C17orf113: variants seen among roughly 807,000 people sequenced by gnomAD.
C17orf113 encodes chromosome 17 open reading frame 113.
A neutral mutation model predicts 11.6 loss-of-function variants in C17orf113; 5 were observed. That is an observed-to-expected ratio of 0.43 (90% CI 0.23 to 0.91). C17orf113 has a LOEUF of 0.91. C17orf113 is among the 40% of genes least tolerant of loss of function. The pLI is 0.26. For synonymous variants in C17orf113, 327 were observed against 390.6 expected, an observed-to-expected ratio of 0.84 and a Z score of 1.92; for missense variants, 714 against 841.3, an observed-to-expected ratio of 0.85 and a Z score of 1.87.
In C17orf113 at chr17:42,039,427, T is replaced by C; in HGVS notation, c.*278A>G. 5.9e-6 allele frequency: 2 copies of C among 339,570 alleles called. No homozygotes were observed. The allele number at this position is 339,570 out of a possible 1,614,324, so 21.0% of individuals were successfully genotyped here. On this transcript the variant is annotated 3_prime_UTR_variant, in exon 3 of 3. Coordinates refer to ENST00000587304, the MANE Select transcript of C17orf113 (RefSeq NM_001358661.2). ...TCCAGAAGGGAAAAGGGTGAGCTAC[T>C]CCTCATCTAACTGTGTAAAGGCCAG...
Position 42,040,996 on chromosome 17 carries a change from T to C in C17orf113, c.737A>G (p.Glu246Gly). 8.1e-7 allele frequency: 1 copy of C among 1,232,198 alleles called. No individual in the cohort carries two copies. The highest frequency in any genetic ancestry group is 1.0e-6 in the Non-Finnish European group (1 of 988,008). 76.3% of individuals were successfully genotyped at this position (1,232,198 alleles called of 1,614,324 possible). A position where few individuals can be genotyped will look rare whatever the true frequency, so the allele number is the denominator to read the frequency against. Residue 246 changes from glutamate (E) to glycine (G), a missense_variant, in exon 3 of 3, where the codon GAG becomes GGG. Glu to Gly is a moderately conservative substitution (Grantham distance 98). This residue lies in a region of C17orf113 where 516 missense variants were observed against 626.6 expected (regional missense o/e 0.82). Transcript: ENST00000587304. ...FLGSVELQEG[E>G]ATAGQLLDIL... ...GTCCAAGAGCTGGCCAGCAGTGGCC[T>C]CGCCCTCCTGTAGCTCCACACTGCC...
Position 42,040,179 on chromosome 17 carries a change from T to TGCGAAGGCGGCCACGGCGTCCA in C17orf113, c.1532_1553dup (p.Ala519GlyfsTer54). 1.6e-6 allele frequency: 2 copies of TGCGAAGGCGGCCACGGCGTCCA among 1,231,556 alleles called. No individual in the cohort carries two copies. Among genetic ancestry groups the TGCGAAGGCGGCCACGGCGTCCA allele is most frequent in the Non-Finnish European group, 2.0e-6 (2 of 987,814 alleles). 76.3% of individuals were successfully genotyped at this position (1,231,556 alleles called of 1,614,324 possible). ...GGTAGCGTCGGGGGTCGAAGATCGC[T>TGCGAAGGCGGCCACGGCGTCCA]GCGAAGGCGGCCACGGCGTCCAGCG... On this transcript the variant is annotated frameshift_variant, in exon 3 of 3. Coordinates refer to ENST00000587304, the MANE Select transcript of C17orf113 (RefSeq NM_001358661.2). LOFTEE classifies it low-confidence loss of function (END_TRUNC).
chr17:42,047,549 T>C (rs2053192103), intron 1 of C17orf113, among the ~76,000 whole-genome samples: 1 of 152,038 alleles, frequency 6.6e-6, no homozygotes, highest in Non-Finnish European at 1.5e-5. Flanking sequence ...AACCAGCACA[T>C]AGTAGGTGGG....
chr17:42,045,749 C>T (rs1283588143), intron 1 of C17orf113, among the ~76,000 whole-genome samples: 2 of 152,182 alleles, frequency 1.3e-5, no homozygotes, highest in African/African-American at 4.8e-5. Context: ...CCAGACTCAT[C>T]CCTCACCCAA....
chr17:42,044,728 A>G (rs1477770499), intron 1 of C17orf113, among the ~76,000 whole-genome samples: 4 of 152,064 alleles, frequency 2.6e-5, no homozygotes, highest in Admixed American at 6.6e-5. Context: ...GTGAACACAC[A>G]CTCACACTCA....
In C17orf113 at chr17:42,040,527, G is replaced by A. The variant is rs1258829169; in HGVS notation, c.1206C>T (p.His402=). 8.4e-5 allele frequency: 104 copies of A among 1,232,780 alleles called. No individual in the cohort carries two copies. Among genetic ancestry groups the A allele is most frequent in the Non-Finnish European group, 8.8e-5 (87 of 988,576 alleles). The allele number at this position is 1,232,780 out of a possible 1,614,324, so 76.4% of individuals were successfully genotyped here. The change falls in exon 3 of 3, where the codon CAC becomes CAT. Residue 402 remains histidine, a synonymous_variant. Coordinates refer to ENST00000587304, the MANE Select transcript of C17orf113 (RefSeq NM_001358661.2). ...LRQFTFVAFT[H]LLLDALPSVQ... is the part of the protein sequence containing the mutation. ...CAGAGGGCAGGGCATCCAGCAGCAG[G>A]TGGGTGAAGGCCACGAAGGTGAACT...
chr17:42,042,756 G>T, intron 2 of C17orf113, 78 bp downstream of exon 2: 1 of 1,086,768 alleles, frequency 9.2e-7, no homozygotes, highest in Non-Finnish European at 1.2e-6. Context: ...CAAGGAGCTG[G>T]CATGCTGGGG....
At chr17:42,042,235 A>G (rs2053040822) in intron 2 of C17orf113, among the ~76,000 whole-genome samples, 1 of 152,052 alleles carries the variant, frequency 6.6e-6, no homozygotes, top group Non-Finnish European at 1.5e-5. Flanking sequence ...AAAACAAAAA[A>G]CAGAGGCCAG....
chr17:42,039,250 C>CAAAAAAAGAA lies in C17orf113; in HGVS notation c.*445_*454dup, dbSNP rs1181151909. ...TGGGCGACAGAGCAAGACTCCATCT[C>CAAAAAAAGAA]AAAAAAAGAAAAAAAAAGAAAAGAA... On this transcript the variant is annotated 3_prime_UTR_variant, in exon 3 of 3. Coordinates refer to ENST00000587304, the MANE Select transcript of C17orf113 (RefSeq NM_001358661.2). 1 of 151,694 alleles carries CAAAAAAAGAA rather than the reference C, an allele frequency of 6.6e-6. No individual in the cohort carries two copies. Among genetic ancestry groups the CAAAAAAAGAA allele is most frequent in the African/African-American group, 2.5e-5 (1 of 40,780 alleles). 9.4% of individuals were successfully genotyped at this position (151,694 alleles called of 1,614,324 possible). A position where few individuals can be genotyped will look rare whatever the true frequency, so the allele number is the denominator to read the frequency against.
rs557602584 is a variant in C17orf113 at position 42,043,036 on chromosome 17, G to A, written c.341C>T (p.Thr114Ile). The change falls in exon 2 of 3, where the codon ACC (threonine) becomes ATC (isoleucine). Residue 114 changes from threonine to isoleucine, a missense_variant. This residue lies in a region of C17orf113 where 516 missense variants were observed against 626.6 expected (regional missense o/e 0.82). Transcript: ENST00000587304. ...GGGACPGLATTPASRGVKVEL... is the reference protein window; with the variant it reads ...GGGACPGLATIPASRGVKVEL... Reference sequence around the variant, plus strand: ...CACCTTGACGCCCCTGGAGGCAGGGGTCGTAGCCAGGCCTGGGCAGGCCCC... The same window carrying A: ...CACCTTGACGCCCCTGGAGGCAGGGATCGTAGCCAGGCCTGGGCAGGCCCC... 6.7e-5 allele frequency: 83 copies of A among 1,232,300 alleles called. No individual in the cohort carries two copies. In the East Asian group the frequency reaches 2.5e-3, roughly 37 times the overall value. The allele number at this position is 1,232,300 out of a possible 1,614,324, so 76.3% of individuals were successfully genotyped here.
rs376341389 is a variant in C17orf113, at chr17:42,041,324, G to T, written c.544-135C>A. On this transcript the variant is annotated intron_variant, in intron 2 of 2. Transcript: ENST00000587304. ...AGACTTAGGGACTAATCCTGGCTTTGCCACTTACTGGCTGTGCTACCTTCG... is the reference window on the plus strand; with the variant it reads ...AGACTTAGGGACTAATCCTGGCTTTTCCACTTACTGGCTGTGCTACCTTCG... The T allele has an allele frequency of 4.4e-5, 32 of 735,058 alleles. No homozygotes were observed. The East Asian group carries it at 5.8e-4, about 13-fold the overall frequency. The allele number at this position is 735,058 out of a possible 1,614,324, so 45.5% of individuals were successfully genotyped here.
Position 42,038,255 on chromosome 17 carries a change from T to C in C17orf113, c.*1450A>G, listed in dbSNP as rs1289158849. ...CATGATGTGCTGGGATTCCATTTTA[T>C]TGCAAATTAAACTCAAACCCAGGGG... On this transcript the variant is annotated 3_prime_UTR_variant, in exon 3 of 3. Transcript: ENST00000587304. 8 of 555,176 alleles carry C rather than the reference T, an allele frequency of 1.4e-5. No individual in the cohort carries two copies. Among genetic ancestry groups the C allele is most frequent in the Admixed American group, 1.1e-4 (3 of 27,320 alleles). The allele number at this position is 555,176 out of a possible 1,614,324, so 34.4% of individuals were successfully genotyped here.
In C17orf113 at chr17:42,038,719, G is replaced by A. The variant is rs2052926334; in HGVS notation, c.*986C>T. 6.6e-6 allele frequency: 1 copy of A among 152,216 alleles called. No homozygotes were observed. 9.4% of individuals were successfully genotyped at this position (152,216 alleles called of 1,614,324 possible). On this transcript the variant is annotated 3_prime_UTR_variant, in exon 3 of 3. Transcript: ENST00000587304. ...TGGTAACACTATGAAAGATAGCATA[G>A]ATTTATTTCACATTTGTAGGTTTTT...
chr17:42,048,484 A>G (rs926617338), intron 1 of C17orf113, among the ~76,000 whole-genome samples: 3 of 152,044 alleles, frequency 2.0e-5, no homozygotes. Flanking sequence ...TTGAGACTGC[A>G]GTGAACTGTG....
chr17:42,044,565 G>A (rs1306980491), intron 1 of C17orf113, among the ~76,000 whole-genome samples: 8 of 151,292 alleles, frequency 5.3e-5, no homozygotes, highest in African/African-American at 1.9e-4. Context: ...GCAGTGAGCC[G>A]AGATCACGCT....
chr17:42,042,890 G>T lies in C17orf113; in HGVS notation c.487C>A (p.Leu163Met). ...ELQRFNLCQA[L>M]LGTEHGDYYS... ...TAATCGCCATGCTCTGTGCCCAGCA[G>T]TGCCTGGCACAGGTTGAACCTCTGC... The change falls in exon 2 of 3, where the codon CTG (leucine) becomes ATG (methionine). Residue 163 changes from leucine to methionine, a missense_variant. Leu to Met is a conservative substitution (Grantham distance 15, BLOSUM62 2). Coordinates refer to ENST00000587304, the MANE Select transcript of C17orf113 (RefSeq NM_001358661.2). The T allele has an allele frequency of 8.1e-7, 1 of 1,232,376 alleles. No homozygotes were observed. The highest frequency in any genetic ancestry group is 1.0e-6 in the Non-Finnish European group (1 of 988,140). The allele number at this position is 1,232,376 out of a possible 1,614,324, so 76.3% of individuals were successfully genotyped here. A position where few individuals can be genotyped will look rare whatever the true frequency, so the allele number is the denominator to read the frequency against.
intron 1 of C17orf113, among the ~76,000 whole-genome samples, chr17:42,046,964 G>A (rs2053174696): frequency 6.6e-6 from 1 of 150,744 alleles, no homozygotes; most frequent in Non-Finnish European, 1.5e-5. Context: ...CCGGATTCAA[G>A]CGATTCTCCC....
At position 42,040,209 on chromosome 17, in the gene C17orf113, C is replaced by T; in HGVS notation, c.1524G>A (p.Gly508=). The T allele has an allele frequency of 1.6e-6, 2 of 1,231,604 alleles. No homozygotes were observed. The allele number at this position is 1,231,604 out of a possible 1,614,324, so 76.3% of individuals were successfully genotyped here. Residue 508 remains glycine (G), a synonymous_variant, in exon 3 of 3, where the codon GGG becomes GGA. Transcript: ENST00000587304. Reference sequence around the variant, plus strand: ...AGGCGGCCACGGCGTCCAGCGAAGGCCCGGGGTAGGAGTCCTGTAGGCCCT... The same window carrying T: ...AGGCGGCCACGGCGTCCAGCGAAGGTCCGGGGTAGGAGTCCTGTAGGCCCT... ...MRKGLQDSYP[G]PSLDAVAAFA...
intron 1 of C17orf113, among the ~76,000 whole-genome samples, chr17:42,049,943 C>G (rs1291932489): frequency 1.3e-5 from 2 of 152,246 alleles, no homozygotes; most frequent in African/African-American, 4.8e-5. Flanking sequence ...TTGGACAGCA[C>G]ATTTACATCA....
Sources: gnomAD v4.1 joint callset for allele counts (sites outside exome capture counted in the v4.1 genomes callset) on GRCh38, gnomAD v4.1.1 for gene constraint, gnomAD v4.1.1 regional missense constraint, MANE v1.5 for transcripts, NCBI Gene and HGNC (gene_info 2026-07-23, HGNC 2026-07-21) for gene names.